MYRFL: variants seen among roughly 807,000 people sequenced by gnomAD.
The protein encoded by MYRFL is myelin regulatory factor-like protein.
A neutral mutation model predicts 109.4 loss-of-function variants in MYRFL; 88 were observed. The ratio of observed to expected loss-of-function variants is 0.80; its 90% CI spans 0.68 to 0.96. MYRFL has a LOEUF of 0.96. Among genes scored for constraint, MYRFL ranks in the 40% least tolerant of loss-of-function variants. The pLI, the probability that MYRFL is intolerant of heterozygous loss-of-function variation, is 0.00. For missense variants in MYRFL, 957 were observed against 954.9 expected (o/e 1.00, Z -0.03); for synonymous variants, 324 against 320.9 (o/e 1.01, Z -0.10).
At chr12:69,890,557 AAC>A (rs1886735432) in intron 6 of MYRFL, among the ~76,000 whole-genome samples, 1 of 152,206 alleles carries the variant, frequency 6.6e-6, no homozygotes, top group African/African-American at 2.4e-5. Flanking sequence ...AACATGGCGA[AAC>A]CCTGTCTCTA....
chr12:69,858,434 G>C (rs74101352), intron 2 of MYRFL, among the ~76,000 whole-genome samples: 7,026 of 151,828 alleles, frequency 0.046, 547 homozygotes, highest in African/African-American at 0.16. Context: ...TTTATTTCTT[G>C]CTTAAATGTT....
chr12:69,939,710 T>A (rs527593744), intron 19 of MYRFL, among the ~76,000 whole-genome samples: 1 of 152,030 alleles, frequency 6.6e-6, no homozygotes, highest in African/African-American at 2.4e-5. Context: ...TTTGACGAGC[T>A]GAGAGAAGAA....
intron 9 of MYRFL, among the ~76,000 whole-genome samples, chr12:69,896,950 A>T (rs1954015495): frequency 6.6e-6 from 1 of 152,224 alleles, no homozygotes; most frequent in Non-Finnish European, 1.5e-5. Context: ...CTGGGCAAAG[A>T]GCTGACCCAT....
intron 1 of MYRFL, among the ~76,000 whole-genome samples, chr12:69,841,036 G>A (rs767334092): frequency 1.3e-5 from 2 of 152,174 alleles, no homozygotes; most frequent in African/African-American, 2.4e-5. Flanking sequence ...AATGGGTCAC[G>A]TTACTTCCGT....
At chr12:69,861,687 A>G (rs1884680024) in intron 2 of MYRFL, among the ~76,000 whole-genome samples, 1 of 151,886 alleles carries the variant, frequency 6.6e-6, no homozygotes, top group Non-Finnish European at 1.5e-5. Context: ...ATTTTCTCCC[A>G]TTTTGTAGGT....
At chr12:69,882,330 C>T (rs1238931604) in intron 5 of MYRFL, among the ~76,000 whole-genome samples, 1 of 152,100 alleles carries the variant, frequency 6.6e-6, no homozygotes, top group Non-Finnish European at 1.5e-5. Context: ...AAAAAAAAGA[C>T]ACAAAACAAA....
intron 1 of MYRFL, among the ~76,000 whole-genome samples, chr12:69,843,615 G>A (rs1883365904): frequency 6.6e-6 from 1 of 152,236 alleles, no homozygotes. Context: ...GGCATATGTA[G>A]ATTTTTTAGT....
chr12:69,835,555 T>G (rs1882884066), intron 1 of MYRFL, among the ~76,000 whole-genome samples: 1 of 152,256 alleles, frequency 6.6e-6, no homozygotes, highest in Non-Finnish European at 1.5e-5. Context: ...TAGACATCTT[T>G]GGAATTTTAC....
At chr12:69,911,991 C>T (rs1954586509) in intron 13 of MYRFL, among the ~76,000 whole-genome samples, 1 of 152,208 alleles carries the variant, frequency 6.6e-6, no homozygotes, top group African/African-American at 2.4e-5. Flanking sequence ...TCTTACCAAC[C>T]TTGCTGGTCA....
chr12:69,942,588 G>A (rs1955694606), intron 19 of MYRFL, among the ~76,000 whole-genome samples: 1 of 146,582 alleles, frequency 6.8e-6, no homozygotes, highest in South Asian at 2.2e-4. Flanking sequence ...CATACTGAAT[G>A]GGCAAAAACT....
intron 13 of MYRFL, among the ~76,000 whole-genome samples, chr12:69,926,117 C>CTTTTTTTTTTT (rs147973443): frequency 2.4e-5 from 2 of 84,848 alleles, no homozygotes; most frequent in African/African-American, 9.7e-5. Context: ...TCTTCTTCTT[C>CTTTTTTTTTTT]TTTTTTTTTT....
chr12:69,880,422 T>G (rs897190903), intron 5 of MYRFL, 130 bp downstream of exon 5: 37 of 579,072 alleles, frequency 6.4e-5, no homozygotes, highest in Non-Finnish European at 9.5e-5. Context: ...TAAGCTCTGG[T>G]AGTTTGGTTC....
At chr12:69,939,049 G>T (rs1437446222) in intron 19 of MYRFL, among the ~76,000 whole-genome samples, 1 of 152,152 alleles carries the variant, frequency 6.6e-6, no homozygotes, top group African/African-American at 2.4e-5. Context: ...CCTACCCCAT[G>T]GAGTCTCGCT....
At position 69,910,062 on chromosome 12, in the gene MYRFL, A is replaced by G. The variant is rs891252822; in HGVS notation, c.1477A>G (p.Thr493Ala). 2.9e-5 allele frequency: 44 copies of G among 1,527,270 alleles called. 1 individual carries two copies. The highest frequency in any genetic ancestry group is 1.7e-4 in the Middle Eastern group (1 of 5,944). The allele number at this position is 1,527,270 out of a possible 1,614,324, so 94.6% of individuals were successfully genotyped here. A position where few individuals can be genotyped will look rare whatever the true frequency, so the allele number is the denominator to read the frequency against. ...ATTTGCATCTGCAATGGGAATAAACACTGCCCATCAAACAGGTACACACAC... is the reference window on the plus strand; with the variant it reads ...ATTTGCATCTGCAATGGGAATAAACGCTGCCCATCAAACAGGTACACACAC... The part of the protein sequence containing the change: ...PEFASAMGIN[T>A]AHQTGMIAQE... The change falls in exon 12 of 25, where the codon ACT becomes GCT. Residue 493 changes from threonine (T) to alanine (A), a missense_variant. By Grantham distance (58) the Thr-to-Ala change is moderately conservative. Coordinates refer to ENST00000552032, the MANE Select transcript of MYRFL (RefSeq NM_182530.3).
At chr12:69,938,575 T>C (rs1020364563) in intron 19 of MYRFL, among the ~76,000 whole-genome samples, 4 of 152,150 alleles carry the variant, frequency 2.6e-5, no homozygotes, top group African/African-American at 9.7e-5. Context: ...TGCCTGGTGA[T>C]GTCTTGATGA....
rs1474299964 is a variant in MYRFL, at chr12:69,926,932, GGTTTTTTTTTT to G, written c.1766+199_1766+209del. ...ACTTTCTTAGTTTTTTTCTGTTGCTGGTTTTTTTTTTTTTTTTTTTTTTTTTTTTGAGCCTG... is the reference window on the plus strand; with the variant it reads ...ACTTTCTTAGTTTTTTTCTGTTGCTGTTTTTTTTTTTTTTTTTTGAGCCTG... On this transcript the variant is annotated intron_variant, in intron 14 of 24. Coordinates refer to ENST00000552032, the MANE Select transcript of MYRFL (RefSeq NM_182530.3). Among the ~76,000 whole-genome samples the G allele has an allele frequency of 1.7e-4, 13 of 76,872 alleles. 1 individual carries two copies. Among genetic ancestry groups the G allele is most frequent in the Admixed American group, 3.1e-4 (2 of 6,550 alleles). The allele number at this position is 76,872 out of a possible 152,430, so 50.4% of individuals were successfully genotyped here.
intron 1 of MYRFL, among the ~76,000 whole-genome samples, chr12:69,829,707 G>A (rs1279326962): frequency 6.6e-6 from 1 of 152,164 alleles, no homozygotes; most frequent in Non-Finnish European, 1.5e-5. Flanking sequence ...CCGGTGAATA[G>A]AACAGAGATG....
chr12:69,954,669 A>C (rs573498997), intron 21 of MYRFL, among the ~76,000 whole-genome samples: 146 of 152,330 alleles, frequency 9.6e-4, no homozygotes, highest in Non-Finnish European at 1.9e-3. Flanking sequence ...CTGATTTTAA[A>C]TTGTTTTTCC....
chr12:69,934,198 G>C (rs1262547398), intron 16 of MYRFL, among the ~76,000 whole-genome samples: 1 of 152,218 alleles, frequency 6.6e-6, no homozygotes, highest in Non-Finnish European at 1.5e-5. Flanking sequence ...CACAGCAGTG[G>C]TGCCCCATCT....
Sources: gnomAD v4.1 joint callset for allele counts (sites outside exome capture counted in the v4.1 genomes callset) on GRCh38, gnomAD v4.1.1 for gene constraint, MANE v1.5 for transcripts, NCBI Gene and HGNC (gene_info 2026-07-23, HGNC 2026-07-21) for gene names.